Variants in C8orf34 observed in about 807,000 individuals in gnomAD.
C8orf34 encodes uncharacterized protein C8orf34.
In C8orf34, 65 loss-of-function variants were observed where a neutral mutation model predicts 68.3. That is an observed-to-expected ratio of 0.95 (90% CI 0.78 to 1.17). The LOEUF (loss-of-function observed/expected upper bound fraction) is 1.17. Ranked by LOEUF, C8orf34 falls within the 50% of genes most tolerant of loss-of-function variation. C8orf34 has a pLI of 0.00. For missense variants in C8orf34, 664 were observed against 655.4 expected (o/e 1.01, Z -0.14); for synonymous variants, 244 against 241.2 (o/e 1.01, Z -0.11).
At chr8:68,555,282 G>A (rs1361179079) in intron 7 of C8orf34, among the ~76,000 whole-genome samples, 1 of 152,108 alleles carries the variant, frequency 6.6e-6, no homozygotes, top group Non-Finnish European at 1.5e-5. Context: ...GCAAAACTGG[G>A]ATACCATTTG....
At chr8:68,570,692 C>A (rs1816736993) in intron 7 of C8orf34, among the ~76,000 whole-genome samples, 2 of 152,134 alleles carry the variant, frequency 1.3e-5, no homozygotes, top group Non-Finnish European at 2.9e-5. Flanking sequence ...AAAGGGTGTT[C>A]CAGAACCAGC....
chr8:68,786,014 G>A (rs2958333), intron 11 of C8orf34, among the ~76,000 whole-genome samples: 70,595 of 151,992 alleles, frequency 0.46, 18,931 homozygotes, highest in African/African-American at 0.74. Flanking sequence ...TGTTTCTTAA[G>A]TATCAAGGGT....
Position 68,687,998 on chromosome 8 carries a change from A to T in C8orf34, c.1242-20996A>T, listed in dbSNP as rs184033619. On this transcript the variant is annotated intron_variant, in intron 8 of 13. Transcript: ENST00000518698. ...AGGAATAGACATTTCTCAAAAGAAG[A>T]TACACACTTGGGCAACAAACATGAA... Among the ~76,000 whole-genome samples the T allele has an allele frequency of 6.0e-4, 91 of 152,280 alleles. 1 individual carries two copies. Among genetic ancestry groups the T allele is most frequent in the Admixed American group, 4.9e-3 (75 of 15,280 alleles).
intron 1 of C8orf34, among the ~76,000 whole-genome samples, chr8:68,422,778 C>T (rs1245074185): frequency 6.6e-6 from 1 of 152,242 alleles, no homozygotes; most frequent in African/African-American, 2.4e-5. Context: ...CAGCAAACTT[C>T]TGCCTGGACA....
intron 1 of C8orf34, among the ~76,000 whole-genome samples, chr8:68,358,991 A>C (rs994801120): frequency 6.6e-6 from 1 of 152,120 alleles, no homozygotes; most frequent in African/African-American, 2.4e-5. Flanking sequence ...GCACTCCCAC[A>C]ACTGGCCTAT....
Position 68,449,291 on chromosome 8 carries a change from T to G in C8orf34, c.607+2831T>G, listed in dbSNP as rs549829687. Among the ~76,000 whole-genome samples the G allele has an allele frequency of 1.6e-3, 240 of 152,186 alleles. 1 individual carries two copies. Among genetic ancestry groups the G allele is most frequent in the African/African-American group, 5.6e-3 (233 of 41,534 alleles). ...CGCCAAGACTTTTTTTTACATAAAATTAACATAAGATTAACCATCCTAAAA... is the reference window on the plus strand; with the variant it reads ...CGCCAAGACTTTTTTTTACATAAAAGTAACATAAGATTAACCATCCTAAAA... On this transcript the variant is annotated intron_variant, in intron 3 of 13. Coordinates refer to ENST00000518698, the MANE Select transcript of C8orf34 (RefSeq NM_052958.4).
At chr8:68,613,087 AT>A (rs1254987001) in intron 7 of C8orf34, among the ~76,000 whole-genome samples, 1 of 152,074 alleles carries the variant, frequency 6.6e-6, no homozygotes, top group African/African-American at 2.4e-5. Context: ...GAGAATATGT[AT>A]TTTTCTTCTA....
chr8:68,527,784 C>G (rs116730982), intron 6 of C8orf34, among the ~76,000 whole-genome samples: 1 of 152,120 alleles, frequency 6.6e-6, no homozygotes, highest in South Asian at 2.1e-4. Context: ...AGAGGGGCCT[C>G]GGAACCCTAA....
chr8:68,569,121 G>A (rs1047589438), intron 7 of C8orf34, among the ~76,000 whole-genome samples: 1 of 152,172 alleles, frequency 6.6e-6, no homozygotes, highest in East Asian at 1.9e-4. Context: ...TAGAGGTAAG[G>A]TGTGGGTTTC....
intron 11 of C8orf34, among the ~76,000 whole-genome samples, chr8:68,778,427 CT>C (rs1379679639): frequency 2.0e-5 from 3 of 152,026 alleles, no homozygotes; most frequent in African/African-American, 7.2e-5. Context: ...ATCAAATGCT[CT>C]TTTTTTCATC....
At chr8:68,426,961 T>C (rs1445054936) in intron 1 of C8orf34, among the ~76,000 whole-genome samples, 1 of 152,192 alleles carries the variant, frequency 6.6e-6, no homozygotes, top group Non-Finnish European at 1.5e-5. Context: ...AGAAGATTTA[T>C]AGATGGCAGA....
chr8:68,485,582 G>A (rs1414085786), intron 4 of C8orf34, among the ~76,000 whole-genome samples: 2 of 151,524 alleles, frequency 1.3e-5, no homozygotes, highest in Non-Finnish European at 2.9e-5. Flanking sequence ...CATGGTGGCG[G>A]GTGCCTGTAA....
chr8:68,555,715 T>C (rs909195085), intron 7 of C8orf34, among the ~76,000 whole-genome samples: 9 of 152,204 alleles, frequency 5.9e-5, no homozygotes, highest in Admixed American at 1.3e-4. Context: ...AATATTGTAC[T>C]ATGCATACAA....
intron 3 of C8orf34, among the ~76,000 whole-genome samples, chr8:68,454,950 A>AT (rs199713676): frequency 0.035 from 5,293 of 150,494 alleles, 132 homozygotes; most frequent in Middle Eastern, 0.11. Flanking sequence ...TTGTTTTCAT[A>AT]TTTTTTTTTG....
At chr8:68,543,279 G>T (rs1359502170) in intron 7 of C8orf34, among the ~76,000 whole-genome samples, 1 of 151,956 alleles carries the variant, frequency 6.6e-6, no homozygotes, top group African/African-American at 2.4e-5. Context: ...CTTTTAATGT[G>T]AAATCATCTG....
chr8:68,430,020 G>T (rs1345798923), intron 1 of C8orf34, among the ~76,000 whole-genome samples: 1 of 152,036 alleles, frequency 6.6e-6, no homozygotes, highest in African/African-American at 2.4e-5. Context: ...CAGGTGGAGG[G>T]CTGCTTGCCA....
chr8:68,402,293 C>G (rs1017008185), intron 1 of C8orf34, among the ~76,000 whole-genome samples: 1 of 151,996 alleles, frequency 6.6e-6, no homozygotes, highest in Non-Finnish European at 1.5e-5. Flanking sequence ...TGAATCATCG[C>G]TCTTCTTTTC....
At chr8:68,750,324 A>T (rs1203480433) in intron 10 of C8orf34, among the ~76,000 whole-genome samples, 1 of 152,194 alleles carries the variant, frequency 6.6e-6, no homozygotes, top group Non-Finnish European at 1.5e-5. Context: ...CATTGAAAAC[A>T]TTACACTAAG....
intron 1 of C8orf34, among the ~76,000 whole-genome samples, chr8:68,369,496 T>C (rs994789857): frequency 1.2e-4 from 18 of 152,230 alleles, no homozygotes; most frequent in African/African-American, 4.1e-4. Context: ...CAATTTTCCA[T>C]GAAGGACATA....
Sources: allele counts gnomAD v4.1 joint callset (sites outside exome capture counted in the v4.1 genomes callset), GRCh38; gene constraint gnomAD v4.1.1; transcripts MANE v1.5; gene names NCBI Gene and HGNC (gene_info 2026-07-23, HGNC 2026-07-21).